RAB28: variants seen among roughly 807,000 people sequenced by gnomAD.
RAB28 encodes ras-related protein Rab-28.
A neutral mutation model predicts 31.7 loss-of-function variants in RAB28; 24 were observed. The ratio of observed to expected loss-of-function variants is 0.76; its 90% CI spans 0.55 to 1.06. The LOEUF is 1.06. Among genes scored for constraint, RAB28 ranks in the 50% least tolerant of loss-of-function variants. The probability of loss-of-function intolerance (pLI) is 0.00; values close to 1 mark genes in which losing one functional copy is unlikely to be tolerated. For missense variants in RAB28, 254 were observed against 258.5 expected, an observed-to-expected ratio of 0.98 and a Z score of 0.12; for synonymous variants, 100 against 90.4, an observed-to-expected ratio of 1.11 and a Z score of -0.60.
intron 4 of RAB28, among the ~76,000 whole-genome samples, chr4:13,453,619 G>A (rs959351739): frequency 7.9e-5 from 12 of 151,900 alleles, no homozygotes; most frequent in Middle Eastern, 6.8e-3. Flanking sequence ...CTTGGCTGAC[G>A]GGTTTTTTTT....
chr4:13,483,322 T>C lies in RAB28; in HGVS notation c.75+754A>G, dbSNP rs140240217. Among the ~76,000 whole-genome samples, 700 of 152,250 alleles carry C rather than the reference T, an allele frequency of 4.6e-3. 6 individuals carry two copies. Among genetic ancestry groups the C allele is most frequent in the African/African-American group, 0.016 (667 of 41,520 alleles). The stretch of plus-strand genomic sequence containing the variant: ...CATTCATTCGAACAGGGGATCCCTT[T>C]TGTCACGCAAGCAGCTCTACCCTCA... On this transcript the variant is annotated intron_variant, in intron 1 of 6. Transcript: ENST00000330852.
In RAB28 at chr4:13,474,357, T is replaced by C; in HGVS notation, c.222A>G (p.Ile74Met). The stretch of plus-strand genomic sequence containing the variant: ...TATATTTATCCAACATTTTGCCTCC[T>C]ATTGTCTGCCCTCCTATATCCCAAA... ...LQIWDIGGQT[I>M]GGKMLDKYIY... The change falls in exon 3 of 7, where the codon ATA becomes ATG. Residue 74 changes from isoleucine (I) to methionine (M), a missense_variant. Transcript: ENST00000330852. The C allele has an allele frequency of 6.3e-7, 1 of 1,598,280 alleles. No homozygotes were observed. The highest frequency in any genetic ancestry group is 8.6e-7 in the Non-Finnish European group (1 of 1,168,198).
intron 4 of RAB28, among the ~76,000 whole-genome samples, chr4:13,425,839 A>G (rs1577202728): frequency 6.6e-6 from 1 of 152,340 alleles, no homozygotes; most frequent in African/African-American, 2.4e-5. Flanking sequence ...CAACAAAAAT[A>G]TGACAGTACA....
chr4:13,381,803 T>C (rs1299373412), intron 4 of RAB28, among the ~76,000 whole-genome samples: 3 of 152,132 alleles, frequency 2.0e-5, no homozygotes, highest in Non-Finnish European at 2.9e-5. Context: ...TAGAGAGTTA[T>C]TTGATAATTA....
intron 4 of RAB28, among the ~76,000 whole-genome samples, chr4:13,457,646 A>G (rs529947066): frequency 6.6e-6 from 1 of 152,248 alleles, no homozygotes; most frequent in East Asian, 1.9e-4. Flanking sequence ...TTATGCTATT[A>G]AATCTCCAAC....
At chr4:13,483,196 G>A (rs1261461449) in intron 1 of RAB28, among the ~76,000 whole-genome samples, 1 of 152,162 alleles carries the variant, frequency 6.6e-6, no homozygotes, top group East Asian at 1.9e-4. Flanking sequence ...CACGTACCGG[G>A]CAGTATTTAC....
chr4:13,432,982 TAA>T (rs879888079), intron 4 of RAB28, among the ~76,000 whole-genome samples: 3 of 140,108 alleles, frequency 2.1e-5, no homozygotes, highest in Non-Finnish European at 3.1e-5. Flanking sequence ...AAATTGAATT[TAA>T]AAAAAAAAAA....
intron 4 of RAB28, among the ~76,000 whole-genome samples, chr4:13,427,008 T>C (rs776773599): frequency 2.0e-5 from 3 of 152,148 alleles, no homozygotes; most frequent in Non-Finnish European, 4.4e-5. Context: ...CCTCCTTATT[T>C]TGCCTGAAAT....
intron 4 of RAB28, among the ~76,000 whole-genome samples, chr4:13,427,867 C>A (rs981416990): frequency 6.6e-6 from 1 of 152,118 alleles, no homozygotes; most frequent in African/African-American, 2.4e-5. Context: ...GCGACAAAAC[C>A]CCACAGACAC....
intron 4 of RAB28, among the ~76,000 whole-genome samples, chr4:13,400,327 AT>A (rs936481985): frequency 6.6e-6 from 1 of 152,160 alleles, no homozygotes; most frequent in African/African-American, 2.4e-5. Context: ...TTCCCTATAC[AT>A]TTTAGATACA....
At chr4:13,417,443 G>A (rs1280283025) in intron 4 of RAB28, among the ~76,000 whole-genome samples, 1 of 152,218 alleles carries the variant, frequency 6.6e-6, no homozygotes, top group East Asian at 1.9e-4. Context: ...CTCCTCAAGT[G>A]GGTCCCTGAC....
intron 4 of RAB28, among the ~76,000 whole-genome samples, chr4:13,420,774 T>C (rs955714142): frequency 6.6e-6 from 1 of 152,174 alleles, no homozygotes; most frequent in African/African-American, 2.4e-5. Flanking sequence ...ATGAGAGCTA[T>C]TTATGACAAA....
intron 4 of RAB28, among the ~76,000 whole-genome samples, chr4:13,404,973 A>C (rs1711991380): frequency 6.6e-6 from 1 of 151,948 alleles, no homozygotes; most frequent in Non-Finnish European, 1.5e-5. Context: ...GAAAATTCTA[A>C]AACAGAATTT....
At chr4:13,377,101 A>T (rs1728951772) in intron 5 of RAB28, among the ~76,000 whole-genome samples, 1 of 152,190 alleles carries the variant, frequency 6.6e-6, no homozygotes, top group Non-Finnish European at 1.5e-5. Flanking sequence ...ATATCATTCC[A>T]GCAAATTCTC....
intron 4 of RAB28, among the ~76,000 whole-genome samples, chr4:13,384,113 C>A (rs1452527479): frequency 1.3e-5 from 2 of 152,204 alleles, no homozygotes; most frequent in African/African-American, 4.8e-5. Flanking sequence ...TGCACCAACA[C>A]TGCCGCAAGA....
intron 4 of RAB28, among the ~76,000 whole-genome samples, chr4:13,385,113 G>A (rs1217021045): frequency 6.6e-6 from 1 of 152,180 alleles, no homozygotes. Context: ...CCCAGAGCCT[G>A]AAGACTGGCT....
chr4:13,369,027 A>C (rs916264815), intron 6 of RAB28, among the ~76,000 whole-genome samples: 1 of 152,190 alleles, frequency 6.6e-6, no homozygotes, highest in African/African-American at 2.4e-5. Context: ...CAAAGTAAAA[A>C]ATAGCATTAT....
chr4:13,436,110 T>C (rs1260749381), intron 4 of RAB28, among the ~76,000 whole-genome samples: 1 of 152,106 alleles, frequency 6.6e-6, no homozygotes, highest in Non-Finnish European at 1.5e-5. Context: ...AAAAACCATA[T>C]GATCATCTCA....
chr4:13,420,767 A>T (rs971010383), intron 4 of RAB28, among the ~76,000 whole-genome samples: 1 of 152,232 alleles, frequency 6.6e-6, no homozygotes, highest in Non-Finnish European at 1.5e-5. Context: ...CAAAATAATG[A>T]GAGCTATTTA....
Sources: allele counts gnomAD v4.1 joint callset (sites outside exome capture counted in the v4.1 genomes callset), GRCh38; gene constraint gnomAD v4.1.1; transcripts MANE v1.5; gene names NCBI Gene and HGNC (gene_info 2026-07-23, HGNC 2026-07-21).